CACNA2D3: variants seen among roughly 807,000 people sequenced by gnomAD.
CACNA2D3 encodes the protein voltage-dependent calcium channel subunit alpha-2/delta-3.
A neutral mutation model predicts 160.6 loss-of-function variants in CACNA2D3; 60 were observed. The ratio of observed to expected loss-of-function variants is 0.37; its 90% CI spans 0.30 to 0.46. The LOEUF (loss-of-function observed/expected upper bound fraction) is 0.46. Ranked by LOEUF, CACNA2D3 falls within the 20% of genes least tolerant of loss-of-function variation. CACNA2D3 has a pLI of 1.00. For synonymous variants in CACNA2D3, 558 were observed against 492.9 expected (o/e 1.13, Z -1.75); for missense variants, 1,205 against 1,365.0 (o/e 0.88, Z 1.85).
chr3:54,700,412 T>C lies in CACNA2D3; in HGVS notation c.1168-52187T>C, dbSNP rs192370884. On this transcript the variant is annotated intron_variant, in intron 11 of 37. Coordinates refer to ENST00000474759, the MANE Select transcript of CACNA2D3 (RefSeq NM_018398.3). ...AAATTCACATTTAATTTAATTAAAA[T>C]TAAACCAAATTAAAAATTCAATTCC... Among the ~76,000 whole-genome samples, 18 of 152,334 alleles carry C rather than the reference T, an allele frequency of 1.2e-4. 1 individual carries two copies. Among genetic ancestry groups the C allele is most frequent in the Admixed American group, 1.1e-3 (17 of 15,296 alleles).
intron 30 of CACNA2D3, 111 bp from the exon 31 acceptor site, chr3:54,987,572 G>A (rs1702643047): frequency 4.8e-6 from 3 of 630,288 alleles, no homozygotes; most frequent in Non-Finnish European, 5.4e-6. Flanking sequence ...CTGAAAACCT[G>A]CCTTTTGCTC....
chr3:54,148,015 C>T (rs988049695), intron 2 of CACNA2D3, among the ~76,000 whole-genome samples: 1 of 152,218 alleles, frequency 6.6e-6, no homozygotes, highest in Non-Finnish European at 1.5e-5. Flanking sequence ...CCATGCTGGC[C>T]AGGCTGGTTT....
chr3:54,166,816 G>C (rs974204931), intron 2 of CACNA2D3, among the ~76,000 whole-genome samples: 2 of 152,166 alleles, frequency 1.3e-5, no homozygotes, highest in Non-Finnish European at 2.9e-5. Flanking sequence ...TGTGGAGAGA[G>C]GAAGATTGCA....
chr3:54,897,767 T>G (rs894939047), intron 26 of CACNA2D3, among the ~76,000 whole-genome samples: 4 of 152,244 alleles, frequency 2.6e-5, no homozygotes, highest in African/African-American at 9.6e-5. Flanking sequence ...TTTCCATGAC[T>G]GAAAATATTT....
intron 31 of CACNA2D3, 149 bp from the exon 32 acceptor site, chr3:55,004,614 G>T: frequency 1.7e-6 from 1 of 596,042 alleles, no homozygotes; most frequent in Non-Finnish European, 3.0e-6. Flanking sequence ...GCCTTTGCCA[G>T]GCTCCTTGTT....
chr3:54,701,717 T>C (rs1381491976), intron 11 of CACNA2D3, among the ~76,000 whole-genome samples: 1 of 152,174 alleles, frequency 6.6e-6, no homozygotes, highest in African/African-American at 2.4e-5. Flanking sequence ...ACTACTAATG[T>C]CATTTTTCAC....
At chr3:54,131,864 A>G (rs929093801) in intron 2 of CACNA2D3, among the ~76,000 whole-genome samples, 5 of 152,210 alleles carry the variant, frequency 3.3e-5, no homozygotes, top group Non-Finnish European at 7.3e-5. Context: ...TTGTGCTATA[A>G]TTTGCGAAGC....
chr3:54,644,603 C>A (rs576944937), intron 11 of CACNA2D3, among the ~76,000 whole-genome samples: 6 of 152,278 alleles, frequency 3.9e-5, no homozygotes, highest in African/African-American at 1.4e-4. Flanking sequence ...TGACAATCTT[C>A]AAGATTGTAA....
At chr3:55,002,233 A>C (rs926281930) in intron 31 of CACNA2D3, among the ~76,000 whole-genome samples, 3 of 151,804 alleles carry the variant, frequency 2.0e-5, no homozygotes, top group Non-Finnish European at 4.4e-5. Context: ...TCCTGCATCC[A>C]TGGCTATGAG....
chr3:54,374,116 G>C (rs991574179), intron 3 of CACNA2D3, among the ~76,000 whole-genome samples: 1 of 152,294 alleles, frequency 6.6e-6, no homozygotes, highest in South Asian at 2.1e-4. Context: ...GGAATTAAAG[G>C]CTTATTTGAT....
Position 54,162,758 on chromosome 3 carries a change from C to A in CACNA2D3, c.204+39164C>A, listed in dbSNP as rs116843702. On this transcript the variant is annotated intron_variant, in intron 2 of 37. Transcript: ENST00000474759. ...CTGCCCCAGATCACTCAACAGGTAT[C>A]TATTGAGCACCTGTAATGTGCCAGA... 5.9e-5 allele frequency among the ~76,000 whole-genome samples: 9 copies of A among 152,286 alleles called. No homozygotes were observed. The East Asian group carries it at 1.7e-3, about 29-fold the overall frequency.
chr3:54,132,826 A>G (rs964271805), intron 2 of CACNA2D3, among the ~76,000 whole-genome samples: 1 of 152,178 alleles, frequency 6.6e-6, no homozygotes, highest in African/African-American at 2.4e-5. Context: ...CTGACTGGTC[A>G]TATGACCCTG....
At chr3:54,322,250 C>G (rs921555729) in intron 3 of CACNA2D3, among the ~76,000 whole-genome samples, 2 of 152,228 alleles carry the variant, frequency 1.3e-5, no homozygotes, top group Admixed American at 6.5e-5. Flanking sequence ...TGTCCCGAAT[C>G]TCAGTTCTGC....
chr3:54,199,501 C>A (rs1420989225), intron 2 of CACNA2D3, among the ~76,000 whole-genome samples: 1 of 152,064 alleles, frequency 6.6e-6, no homozygotes, highest in Non-Finnish European at 1.5e-5. Flanking sequence ...AGACCACAGG[C>A]ACGTGCTACC....
chr3:54,837,366 G>A lies in CACNA2D3; in HGVS notation c.1470+136G>A, dbSNP rs187746326. ...TTTTTCCTTATTGTTTGATCTTGCT[G>A]TTAGAATCACCAAATCAAAAACAGA... On this transcript the variant is annotated intron_variant, in intron 15 of 37. Transcript: ENST00000474759. The A allele has an allele frequency of 3.0e-5, 22 of 743,428 alleles. No individual in the cohort carries two copies. The Admixed American group carries it at 3.7e-4, about 13-fold the overall frequency. The allele number at this position is 743,428 out of a possible 1,614,324, so 46.1% of individuals were successfully genotyped here.
At chr3:54,956,947 TA>T (rs1041882555) in intron 27 of CACNA2D3, among the ~76,000 whole-genome samples, 12 of 152,252 alleles carry the variant, frequency 7.9e-5, no homozygotes, top group African/African-American at 2.4e-4. Context: ...AACTTCTTAG[TA>T]GGAGACTTGA....
At chr3:54,260,429 C>G (rs1158918286) in intron 2 of CACNA2D3, among the ~76,000 whole-genome samples, 1 of 152,146 alleles carries the variant, frequency 6.6e-6, no homozygotes, top group African/African-American at 2.4e-5. Flanking sequence ...CATAACATGG[C>G]AGAAGGCAGC....
At chr3:54,898,110 CTTTTTTCTTTCTTTCTTTTTCTT>C (rs1700234209) in intron 26 of CACNA2D3, among the ~76,000 whole-genome samples, 1 of 151,664 alleles carries the variant, frequency 6.6e-6, no homozygotes, top group Non-Finnish European at 1.5e-5. Flanking sequence ...TCCTTTCTTT[CTTTTTTCTTTCTTTCTTTTTCTT>C]TTTCTTTTTT....
intron 2 of CACNA2D3, among the ~76,000 whole-genome samples, chr3:54,302,780 T>C (rs528340902): frequency 2.6e-5 from 4 of 152,078 alleles, no homozygotes; most frequent in African/African-American, 9.6e-5. Context: ...TTCTCTCTTC[T>C]TCCTCCTCCA....
Sources: gnomAD v4.1 joint callset for allele counts (sites outside exome capture counted in the v4.1 genomes callset) on GRCh38, gnomAD v4.1.1 for gene constraint, MANE v1.5 for transcripts, NCBI Gene and HGNC (gene_info 2026-07-23, HGNC 2026-07-21) for gene names.